ADGRB3: variants seen among roughly 807,000 people sequenced by gnomAD.
ADGRB3 encodes the protein brain-specific angiogenesis inhibitor 3.
In ADGRB3, 37 loss-of-function variants were observed where a neutral mutation model predicts 193.4. That is an observed-to-expected ratio of 0.19 (90% CI 0.15 to 0.25). The LOEUF is 0.25. ADGRB3 is among the 10% of genes least tolerant of loss of function. ADGRB3 has a pLI of 1.00. For missense variants in ADGRB3, 1,637 were observed against 1,852.9 expected (o/e 0.88, Z 2.14); for synonymous variants, 690 against 644.2 (o/e 1.07, Z -1.08).
chr6:68,722,053 A>G (rs1048338894), intron 3 of ADGRB3, among the ~76,000 whole-genome samples: 2 of 151,762 alleles, frequency 1.3e-5, no homozygotes, highest in South Asian at 2.1e-4. Flanking sequence ...TTTTTTAGTT[A>G]TCTAACACAG....
chr6:68,973,989 T>A (rs964372782), intron 8 of ADGRB3, among the ~76,000 whole-genome samples: 2 of 152,224 alleles, frequency 1.3e-5, no homozygotes, highest in Non-Finnish European at 2.9e-5. Flanking sequence ...GAATATAATA[T>A]GACAAAAAGA....
chr6:68,829,593 T>G (rs903010370), intron 3 of ADGRB3, among the ~76,000 whole-genome samples: 1 of 152,172 alleles, frequency 6.6e-6, no homozygotes, highest in Non-Finnish European at 1.5e-5. Flanking sequence ...AATGCAATAC[T>G]TTGAATTATT....
intron 30 of ADGRB3, among the ~76,000 whole-genome samples, chr6:69,374,029 A>C (rs1349632426): frequency 6.6e-6 from 1 of 152,026 alleles, no homozygotes. Context: ...CCATAAAACC[A>C]TGTTGTTAGT....
chr6:68,899,435 TC>T (rs368011859), intron 3 of ADGRB3, among the ~76,000 whole-genome samples: 36,163 of 100,782 alleles, frequency 0.36, 5,900 homozygotes, highest in Middle Eastern at 0.59. Flanking sequence ...CTGCTATCCC[TC>T]CCCCCTCCCC....
In ADGRB3 at chr6:69,075,381, A is replaced by C. The variant is rs142990584; in HGVS notation, c.2437-614A>C. On this transcript the variant is annotated intron_variant, in intron 16 of 31. Transcript: ENST00000370598. The stretch of plus-strand genomic sequence containing the variant: ...TGAAAAATCCATGGTGTTATCTTGA[A>C]GGTCACGGCAGGTACTCAATTCATA... 4.6e-3 allele frequency among the ~76,000 whole-genome samples: 694 copies of C among 152,320 alleles called. 6 individuals are homozygous for C. Among genetic ancestry groups the C allele is most frequent in the African/African-American group, 0.016 (652 of 41,574 alleles).
chr6:69,326,655 A>C (rs902106001), intron 21 of ADGRB3, among the ~76,000 whole-genome samples: 1 of 152,104 alleles, frequency 6.6e-6, no homozygotes, highest in Non-Finnish European at 1.5e-5. Context: ...ATCTAGAAAA[A>C]ATTTAATCTA....
chr6:68,909,108 T>G (rs1248836074), intron 3 of ADGRB3, among the ~76,000 whole-genome samples: 1 of 152,158 alleles, frequency 6.6e-6, no homozygotes, highest in African/African-American at 2.4e-5. Context: ...TTTGCACTAT[T>G]AGGTAATGTG....
At chr6:69,318,029 G>A (rs1486416807) in intron 20 of ADGRB3, among the ~76,000 whole-genome samples, 1 of 151,278 alleles carries the variant, frequency 6.6e-6, no homozygotes, top group East Asian at 1.9e-4. Flanking sequence ...TTTCTAATAA[G>A]GAGATATATT....
intron 9 of ADGRB3, 144 bp from the exon 10 acceptor site, chr6:68,975,089 TA>T: frequency 1.4e-6 from 1 of 712,372 alleles, no homozygotes; most frequent in Non-Finnish European, 2.3e-6. Flanking sequence ...ATATGCATTA[TA>T]AAAATAATCA....
chr6:68,767,911 G>A (rs1562021339), intron 3 of ADGRB3, among the ~76,000 whole-genome samples: 1 of 152,098 alleles, frequency 6.6e-6, no homozygotes, highest in Non-Finnish European at 1.5e-5. Context: ...TAAACAGAGA[G>A]CCAAATCATA....
chr6:69,064,301 T>C (rs1236207731), intron 16 of ADGRB3, among the ~76,000 whole-genome samples: 1 of 151,704 alleles, frequency 6.6e-6, no homozygotes, highest in East Asian at 1.9e-4. Context: ...CTAAATAGTT[T>C]AACTATTTAA....
At chr6:69,200,721 C>T (rs1765402128) in intron 17 of ADGRB3, among the ~76,000 whole-genome samples, 1 of 152,076 alleles carries the variant, frequency 6.6e-6, no homozygotes, top group Admixed American at 6.6e-5. Flanking sequence ...AAGTGACATT[C>T]CATGACTGTG....
At chr6:69,024,467 A>G (rs1770367294) in intron 13 of ADGRB3, among the ~76,000 whole-genome samples, 1 of 152,184 alleles carries the variant, frequency 6.6e-6, no homozygotes, top group Non-Finnish European at 1.5e-5. Context: ...AGTAATCTTT[A>G]TGAATTTACT....
rs1255033143 is a variant in ADGRB3 at position 68,948,482 on chromosome 6, T to A, written c.1195+4488T>A. On this transcript the variant is annotated intron_variant, in intron 6 of 31. Transcript: ENST00000370598. ...CAGTATGACTGCCATTAAAATTATA[T>A]AGATATATATACCCAAAATAAAATT... 2.0e-5 allele frequency among the ~76,000 whole-genome samples: 3 copies of A among 152,118 alleles called. No individual in the cohort carries two copies. In the East Asian group the frequency reaches 5.8e-4, roughly 29 times the overall value.
intron 3 of ADGRB3, among the ~76,000 whole-genome samples, chr6:68,891,511 T>C (rs754849986): frequency 2.0e-4 from 31 of 152,240 alleles, no homozygotes; most frequent in Admixed American, 1.0e-3. Context: ...AAATGAAAAG[T>C]ATGTGAGACA....
chr6:69,134,261 GT>G (rs1774091737), intron 17 of ADGRB3, among the ~76,000 whole-genome samples: 1 of 151,768 alleles, frequency 6.6e-6, no homozygotes, highest in African/African-American at 2.4e-5. Flanking sequence ...CTCTACCCTC[GT>G]CCACCAATTC....
intron 26 of ADGRB3, among the ~76,000 whole-genome samples, chr6:69,343,742 CAAA>C: frequency 6.7e-6 from 1 of 149,930 alleles, no homozygotes; most frequent in Admixed American, 6.7e-5. Flanking sequence ...GAAATAAGAA[CAAA>C]AAAAAAGAAG....
At position 68,980,276 on chromosome 6, in the gene ADGRB3, C is replaced by T. The variant is rs114890533; in HGVS notation, c.1734+4936C>T. 3.6e-3 allele frequency among the ~76,000 whole-genome samples: 553 copies of T among 151,542 alleles called. 10 individuals are homozygous for T. Among genetic ancestry groups the T allele is most frequent in the Middle Eastern group, 0.014 (4 of 292 alleles). ...TTTACAGATGTTAAAGAACTTGAAT[C>T]CCATTTAAGGACTTTATTTCTCCTA... On this transcript the variant is annotated intron_variant, in intron 10 of 31. Transcript: ENST00000370598.
At chr6:69,179,901 T>G (rs950223427) in intron 17 of ADGRB3, among the ~76,000 whole-genome samples, 2 of 152,206 alleles carry the variant, frequency 1.3e-5, no homozygotes. Flanking sequence ...ACCTCTCTGT[T>G]GCCTAGGGCA....
Sources: gnomAD v4.1 joint callset for allele counts (sites outside exome capture counted in the v4.1 genomes callset) on GRCh38, gnomAD v4.1.1 for gene constraint, MANE v1.5 for transcripts, NCBI Gene and HGNC (gene_info 2026-07-23, HGNC 2026-07-21) for gene names.